The following ZC2HC1B variants were observed in gnomAD, a reference collection of about 807,000 sequenced individuals.
ZC2HC1B encodes zinc finger C2HC domain-containing protein 1B.
ZC2HC1B carries 36 observed loss-of-function variants against 31.0 expected under a neutral mutation model. The observed-to-expected ratio is 1.16, with a 90% confidence interval of 0.89 to 1.54. The LOEUF (loss-of-function observed/expected upper bound fraction) is 1.54, where lower values mean the gene tolerates loss of function less well. Ranked by LOEUF, ZC2HC1B falls within the 40% of genes most tolerant of loss-of-function variation. ZC2HC1B has a pLI of 0.00. For synonymous variants in ZC2HC1B, 73 were observed against 88.0 expected (o/e 0.83, Z 0.95); for missense variants, 260 against 268.6 (o/e 0.97, Z 0.22).
chr6:143,936,834 G>C (rs1485129564), intron 6 of ZC2HC1B, among the ~76,000 whole-genome samples: 2 of 152,306 alleles, frequency 1.3e-5, no homozygotes, highest in Non-Finnish European at 2.9e-5. Context: ...ACCTAATTTA[G>C]TTGTGTAGCA....
At chr6:143,927,919 G>A (rs1378493045) in intron 6 of ZC2HC1B, among the ~76,000 whole-genome samples, 1 of 151,862 alleles carries the variant, frequency 6.6e-6, no homozygotes, top group African/African-American at 2.4e-5. Context: ...ATGCTTTTTG[G>A]GCATTTTTAT....
At chr6:143,901,782 C>T (rs1372634836) in intron 5 of ZC2HC1B, among the ~76,000 whole-genome samples, 1 of 152,094 alleles carries the variant, frequency 6.6e-6, no homozygotes, top group Non-Finnish European at 1.5e-5. Context: ...GTAGCCTTTT[C>T]CAGTTGATAC....
chr6:143,932,928 A>AC (rs770433395), intron 6 of ZC2HC1B, among the ~76,000 whole-genome samples: 26 of 152,182 alleles, frequency 1.7e-4, no homozygotes, highest in Admixed American at 5.9e-4. Flanking sequence ...AGGTCTAGCC[A>AC]CTCAGCAGGG....
At chr6:143,919,623 A>C (rs1469449675) in intron 6 of ZC2HC1B, among the ~76,000 whole-genome samples, 1 of 152,132 alleles carries the variant, frequency 6.6e-6, no homozygotes, top group South Asian at 2.1e-4. Flanking sequence ...TGATAGTTAG[A>C]GATTCTTATT....
intron 6 of ZC2HC1B, among the ~76,000 whole-genome samples, chr6:143,909,054 A>G (rs1282152693): frequency 1.3e-5 from 2 of 152,184 alleles, no homozygotes; most frequent in Non-Finnish European, 2.9e-5. Context: ...AGATCTGTTT[A>G]TGTAATGTAT....
chr6:143,876,100 G>T (rs990452408), intron 1 of ZC2HC1B, among the ~76,000 whole-genome samples: 1 of 150,706 alleles, frequency 6.6e-6, no homozygotes, highest in South Asian at 2.1e-4. Context: ...CCACTTGCAT[G>T]ATAAGAGCTT....
chr6:143,886,252 A>C lies in ZC2HC1B; in HGVS notation c.210+101A>C. On this transcript the variant is annotated intron_variant, in intron 3 of 7. Coordinates refer to ENST00000237275, the MANE Select transcript of ZC2HC1B (RefSeq NM_001013623.3). This position sits in a 1 kb window ranked among gnomAD's most constrained non-coding sequence, Gnocchi z 4.2. Reference sequence around the variant, plus strand: ...TTCATTTTTGCTTGATAATACAGTAATGTAATGTAACTGTAATCCACCTTT... The same window carrying C: ...TTCATTTTTGCTTGATAATACAGTACTGTAATGTAACTGTAATCCACCTTT... 1.6e-6 allele frequency: 2 copies of C among 1,252,312 alleles called. No homozygotes were observed. Among genetic ancestry groups the C allele is most frequent in the Non-Finnish European group, 2.1e-6 (2 of 973,024 alleles). 77.6% of individuals were successfully genotyped at this position (1,252,312 alleles called of 1,614,324 possible). A position where few individuals can be genotyped will look rare whatever the true frequency, so the allele number is the denominator to read the frequency against.
intron 1 of ZC2HC1B, among the ~76,000 whole-genome samples, chr6:143,876,690 A>G (rs774886550): frequency 2.0e-5 from 3 of 150,604 alleles, no homozygotes; most frequent in Non-Finnish European, 4.4e-5. Context: ...AAGGTCCCAC[A>G]ATAGGCCATC....
chr6:143,895,848 T>C lies in ZC2HC1B; in HGVS notation c.350-2704T>C, dbSNP rs1027363355. ...CACCATATTCCTCGAAAGAATTCAT[T>C]TGGACTCTGACTTTTAAAATCATTA... On this transcript the variant is annotated intron_variant, in intron 4 of 7. Transcript: ENST00000237275. The surrounding 1 kb of genome is among the most constrained non-coding windows in gnomAD (Gnocchi z 4.8). Among the ~76,000 whole-genome samples the C allele has an allele frequency of 1.3e-5, 2 of 152,220 alleles. No individual in the cohort carries two copies. Among genetic ancestry groups the C allele is most frequent in the African/African-American group, 4.8e-5 (2 of 41,456 alleles).
At chr6:143,904,219 G>C (rs2128495354) in intron 6 of ZC2HC1B, among the ~76,000 whole-genome samples, 2 of 152,314 alleles carry the variant, frequency 1.3e-5, no homozygotes, top group African/African-American at 4.8e-5. Context: ...TTAATCACCA[G>C]TGTGATTGGT....
rs1045470897 is a variant in ZC2HC1B at position 143,895,396 on chromosome 6, C to G, written c.350-3156C>G. ...CAGGCTGATCTTGAACTCCTGACCT[C>G]AGGTAATGCACATGCCTCGGCCTCC... On this transcript the variant is annotated intron_variant, in intron 4 of 7. Transcript: ENST00000237275. This position sits in a 1 kb window ranked among gnomAD's most constrained non-coding sequence, Gnocchi z 4.8. 1.3e-5 allele frequency among the ~76,000 whole-genome samples: 2 copies of G among 152,140 alleles called. No homozygotes were observed. The highest frequency in any genetic ancestry group is 4.8e-5 in the African/African-American group (2 of 41,428).
At chr6:143,926,707 G>A (rs1238191674) in intron 6 of ZC2HC1B, among the ~76,000 whole-genome samples, 1 of 151,640 alleles carries the variant, frequency 6.6e-6, no homozygotes, top group Non-Finnish European at 1.5e-5. Flanking sequence ...AGAGAGTAGG[G>A]TGTTGAAGTC....
chr6:143,914,954 G>A (rs1446309869), intron 6 of ZC2HC1B, among the ~76,000 whole-genome samples: 3 of 152,122 alleles, frequency 2.0e-5, no homozygotes, highest in African/African-American at 7.2e-5. Context: ...GCCAATCTCT[G>A]TCTATTGATT....
chr6:143,877,384 G>T (rs1446850982), intron 1 of ZC2HC1B, among the ~76,000 whole-genome samples: 1 of 135,056 alleles, frequency 7.4e-6, no homozygotes, highest in Admixed American at 8.1e-5. Flanking sequence ...CTGGGTTCAA[G>T]CTATTCTCCT....
intron 4 of ZC2HC1B, among the ~76,000 whole-genome samples, chr6:143,889,542 A>G (rs1357346771): frequency 6.6e-6 from 1 of 152,130 alleles, no homozygotes; most frequent in Non-Finnish European, 1.5e-5. Context: ...CTGTATTAAT[A>G]TAGCACAAAG....
rs1391329278 is a variant in ZC2HC1B at position 143,915,136 on chromosome 6, T to G, written c.598+11984T>G. 6.6e-6 allele frequency among the ~76,000 whole-genome samples: 1 copy of G among 152,202 alleles called. No homozygotes were observed. The highest frequency in any genetic ancestry group is 1.5e-5 in the Non-Finnish European group (1 of 68,036). On this transcript the variant is annotated intron_variant, in intron 6 of 7. Coordinates refer to ENST00000237275, the MANE Select transcript of ZC2HC1B (RefSeq NM_001013623.3). The surrounding 1 kb of genome is among the most constrained non-coding windows in gnomAD (Gnocchi z 5.2). ...AAATTTCATCTTGAATTCCCACGTG[T>G]TGTGGGAGGGACCCAGTGGGAAGTA...
chr6:143,926,143 GTTTC>G (rs562181459), intron 6 of ZC2HC1B, among the ~76,000 whole-genome samples: 23 of 151,188 alleles, frequency 1.5e-4, no homozygotes, highest in African/African-American at 5.6e-4. Context: ...GATCTTTATT[GTTTC>G]TTTCCTTCCG....
chr6:143,913,676 G>A lies in ZC2HC1B; in HGVS notation c.598+10524G>A, dbSNP rs542515510. Among the ~76,000 whole-genome samples, 2 of 152,212 alleles carry A rather than the reference G, an allele frequency of 1.3e-5. No individual in the cohort carries two copies. The highest frequency in any genetic ancestry group is 4.8e-5 in the African/African-American group (2 of 41,450). On this transcript the variant is annotated intron_variant, in intron 6 of 7. Coordinates refer to ENST00000237275, the MANE Select transcript of ZC2HC1B (RefSeq NM_001013623.3). The surrounding 1 kb of genome is among the most constrained non-coding windows in gnomAD (Gnocchi z 5.7). ...TTCTATGTGACAGATCCAAGGCTCT[G>A]GTGGCATAGGCTCACAAGGGGATCT...
intron 1 of ZC2HC1B, among the ~76,000 whole-genome samples, chr6:143,878,478 A>C (rs1434272632): frequency 1.3e-5 from 2 of 150,510 alleles, no homozygotes; most frequent in African/African-American, 4.9e-5. Flanking sequence ...ACCTTGTCTC[A>C]AAGGCGGAAG....
Sources: gnomAD v4.1 joint callset for allele counts (sites outside exome capture counted in the v4.1 genomes callset) on GRCh38, gnomAD v4.1.1 for gene constraint, Gnocchi (gnomAD v3.1) non-coding constraint, MANE v1.5 for transcripts, NCBI Gene and HGNC (gene_info 2026-07-23, HGNC 2026-07-21) for gene names.